DCC: variants seen among roughly 807,000 people sequenced by gnomAD.
DCC encodes netrin receptor DCC.
Under a neutral mutation model 172.5 loss-of-function variants are expected in DCC, and 58 were observed. The ratio of observed to expected loss-of-function variants is 0.34; its 90% CI spans 0.27 to 0.42. The LOEUF is 0.42. Among genes scored for constraint, DCC ranks in the 10% least tolerant of loss-of-function variants. DCC has a pLI of 1.00. For missense variants in DCC, 1,740 were observed against 1,791.0 expected (o/e 0.97, Z 0.51); for synonymous variants, 709 against 644.5 (o/e 1.10, Z -1.52).
At position 53,263,505 on chromosome 18, in the gene DCC, T is replaced by A. The variant is rs79098986; in HGVS notation, c.1912-42073T>A. ...TATATCCTAATAATTTAATGTTTTA[T>A]GCATTATTTTTAGAAAAATAAAATT... is the stretch of plus-strand genomic sequence containing the variant. On this transcript the variant is annotated intron_variant, in intron 12 of 28. Transcript: ENST00000442544. 3.0e-4 allele frequency among the ~76,000 whole-genome samples: 45 copies of A among 152,314 alleles called. No individual in the cohort carries two copies. The East Asian group carries it at 6.6e-3, about 22-fold the overall frequency.
chr18:52,439,877 C>T (rs1987921064), intron 1 of DCC, among the ~76,000 whole-genome samples: 1 of 152,118 alleles, frequency 6.6e-6, no homozygotes, highest in Non-Finnish European at 1.5e-5. Context: ...TAAATATACA[C>T]ACCTACTATG....
chr18:52,704,400 C>T (rs951375724), intron 1 of DCC, among the ~76,000 whole-genome samples: 4 of 152,000 alleles, frequency 2.6e-5, no homozygotes, highest in Admixed American at 1.3e-4. Context: ...ATATTTGAGG[C>T]TTTCAAAAGC....
intron 26 of DCC, among the ~76,000 whole-genome samples, chr18:53,495,628 TC>T (rs1354415828): frequency 6.6e-6 from 1 of 152,110 alleles, no homozygotes; most frequent in East Asian, 1.9e-4. Context: ...TCGAGGAGTA[TC>T]TTTATGGTGT....
At chr18:53,166,665 A>G (rs890122447) in intron 8 of DCC, among the ~76,000 whole-genome samples, 2 of 152,208 alleles carry the variant, frequency 1.3e-5, no homozygotes, top group African/African-American at 2.4e-5. Context: ...AGATTACAGG[A>G]AAGCACATTT....
chr18:52,495,467 A>T (rs73957908), intron 1 of DCC, among the ~76,000 whole-genome samples: 1 of 152,074 alleles, frequency 6.6e-6, no homozygotes, highest in African/African-American at 2.4e-5. Context: ...CCCCAGCTTT[A>T]TGAAGTTCTT....
In DCC at chr18:52,854,077, C is replaced by T. The variant is rs140024359; in HGVS notation, c.413-51967C>T. Among the ~76,000 whole-genome samples the T allele has an allele frequency of 3.4e-3, 513 of 152,302 alleles. 3 individuals carry two copies. Among genetic ancestry groups the T allele is most frequent in the African/African-American group, 0.011 (475 of 41,548 alleles). ...GAATGTTGAACATTAGGCTATATGG[C>T]AGAATGAATTTTAATAGATGTCATA... On this transcript the variant is annotated intron_variant, in intron 2 of 28. Coordinates refer to ENST00000442544, the MANE Select transcript of DCC (RefSeq NM_005215.4).
intron 1 of DCC, among the ~76,000 whole-genome samples, chr18:52,728,611 T>A (rs1372803565): frequency 6.6e-6 from 1 of 152,194 alleles, no homozygotes; most frequent in African/African-American, 2.4e-5. Flanking sequence ...GAACATACTG[T>A]GGTGTATTGG....
chr18:52,998,144 C>T (rs1418139888), intron 5 of DCC, among the ~76,000 whole-genome samples: 1 of 152,120 alleles, frequency 6.6e-6, no homozygotes, highest in East Asian at 1.9e-4. Flanking sequence ...TGCCACATTT[C>T]ATATGCTCAG....
At chr18:53,349,746 G>C (rs1223198126) in intron 15 of DCC, among the ~76,000 whole-genome samples, 1 of 152,142 alleles carries the variant, frequency 6.6e-6, no homozygotes, top group East Asian at 1.9e-4. Context: ...AATCTCATGA[G>C]ACTCATTCAC....
chr18:53,017,736 A>G (rs2041828875), intron 5 of DCC, among the ~76,000 whole-genome samples: 1 of 152,236 alleles, frequency 6.6e-6, no homozygotes, highest in Non-Finnish European at 1.5e-5. Flanking sequence ...TAATAGTCTC[A>G]GATCTCCTAA....
chr18:52,776,265 A>C (rs1460918786), intron 2 of DCC, among the ~76,000 whole-genome samples: 1 of 151,874 alleles, frequency 6.6e-6, no homozygotes, highest in Non-Finnish European at 1.5e-5. Context: ...ACATATTTAT[A>C]AACCAATAAA....
chr18:52,854,596 G>T (rs535030880), intron 2 of DCC, among the ~76,000 whole-genome samples: 29 of 152,254 alleles, frequency 1.9e-4, no homozygotes, highest in African/African-American at 6.7e-4. Flanking sequence ...TAAAATAGTT[G>T]ATTTACTTGC....
At chr18:52,744,144 G>A (rs1056980606) in intron 1 of DCC, among the ~76,000 whole-genome samples, 2 of 152,126 alleles carry the variant, frequency 1.3e-5, no homozygotes, top group Non-Finnish European at 2.9e-5. Flanking sequence ...TAATATTTTA[G>A]TATAAGTAGG....
At chr18:52,984,543 T>C (rs1231182984) in intron 5 of DCC, among the ~76,000 whole-genome samples, 5 of 152,266 alleles carry the variant, frequency 3.3e-5, no homozygotes, top group African/African-American at 1.2e-4. Flanking sequence ...AGTGTAAATA[T>C]GTTTTGTAGA....
intron 12 of DCC, among the ~76,000 whole-genome samples, chr18:53,261,909 C>T (rs911990592): frequency 6.6e-6 from 1 of 152,244 alleles, no homozygotes; most frequent in East Asian, 1.9e-4. Flanking sequence ...GCTATCAGCA[C>T]CTGGGAACGT....
intron 5 of DCC, among the ~76,000 whole-genome samples, chr18:52,959,950 A>AT (rs1017792535): frequency 6.6e-6 from 1 of 152,036 alleles, no homozygotes; most frequent in African/African-American, 2.4e-5. Flanking sequence ...CGAAACTTTG[A>AT]TTTTTTATGT....
chr18:52,977,256 T>A lies in DCC; in HGVS notation c.985+51886T>A, dbSNP rs927853858. ...ATGTGCTCATCTGTAAACTGATGGA[T>A]AGACTAGAACAGTGGTCTTCAGTCC... On this transcript the variant is annotated intron_variant, in intron 5 of 28. Transcript: ENST00000442544. 4.6e-5 allele frequency among the ~76,000 whole-genome samples: 7 copies of A among 152,192 alleles called. No homozygotes were observed. The East Asian group carries it at 1.3e-3, about 29-fold the overall frequency.
At chr18:53,090,732 A>AAAAAAAAAAAAAAAAAATAAT (rs1568298492) in intron 7 of DCC, among the ~76,000 whole-genome samples, 1 of 129,078 alleles carries the variant, frequency 7.7e-6, no homozygotes, top group Non-Finnish European at 1.7e-5. Context: ...AAAAAAAAAA[A>AAAAAAAAAAAAAAAAAATAAT]AAGAATGTAT....
At chr18:53,469,677 A>G (rs1193564738) in intron 25 of DCC, among the ~76,000 whole-genome samples, 2 of 151,962 alleles carry the variant, frequency 1.3e-5, no homozygotes, top group East Asian at 1.9e-4. Flanking sequence ...CTTATTTATC[A>G]CTGCAGTAAG....
Sources: allele counts gnomAD v4.1 joint callset (sites outside exome capture counted in the v4.1 genomes callset), GRCh38; gene constraint gnomAD v4.1.1; transcripts MANE v1.5; gene names NCBI Gene and HGNC (gene_info 2026-07-23, HGNC 2026-07-21).